GNAI3: variants seen among roughly 807,000 people sequenced by gnomAD.
GNAI3 encodes the protein G protein subunit alpha i3, also known as guanine nucleotide-binding protein G(i) subunit alpha-3.
Under a neutral mutation model 41.8 loss-of-function variants are expected in GNAI3, and 12 were observed. The observed-to-expected ratio is 0.29, with a 90% confidence interval of 0.18 to 0.47. The LOEUF is 0.47. Among genes scored for constraint, GNAI3 ranks in the 20% least tolerant of loss-of-function variants. The pLI is 1.00. For synonymous variants in GNAI3, 132 were observed against 146.5 expected (o/e 0.90, Z 0.71); for missense variants, 360 against 429.6 (o/e 0.84, Z 1.43).
intron 1 of GNAI3, among the ~76,000 whole-genome samples, chr1:109,566,482 C>T (rs771147067): frequency 6.6e-6 from 1 of 152,076 alleles, no homozygotes; most frequent in Non-Finnish European, 1.5e-5. Flanking sequence ...ATTCTTCTAG[C>T]CTTTTCTTTT....
At chr1:109,566,372 G>C (rs1424261086) in intron 1 of GNAI3, among the ~76,000 whole-genome samples, 1 of 152,040 alleles carries the variant, frequency 6.6e-6, no homozygotes, top group Non-Finnish European at 1.5e-5. Context: ...AAACTTATTT[G>C]TATTTGAAGT....
At chr1:109,586,410 G>A in intron 6 of GNAI3, 65 bp downstream of exon 6, 2 of 1,473,186 alleles carry the variant, frequency 1.4e-6, no homozygotes, top group South Asian at 1.2e-5. Context: ...TAACTTATTA[G>A]GAAGATTATC....
chr1:109,563,917 A>G (rs1648381763), intron 1 of GNAI3, among the ~76,000 whole-genome samples: 1 of 152,224 alleles, frequency 6.6e-6, no homozygotes, highest in African/African-American at 2.4e-5. Context: ...TTTTTGTTAC[A>G]CATATGCTAT....
At chr1:109,566,000 A>AT (rs1482291717) in intron 1 of GNAI3, among the ~76,000 whole-genome samples, 21 of 152,190 alleles carry the variant, frequency 1.4e-4, no homozygotes, top group South Asian at 8.3e-4. Context: ...TAGTCAAATA[A>AT]TTTTTTTACA....
chr1:109,587,502 A>G (rs915635376), intron 7 of GNAI3, among the ~76,000 whole-genome samples: 6 of 152,238 alleles, frequency 3.9e-5, no homozygotes, highest in African/African-American at 1.4e-4. Context: ...AATAGAAATC[A>G]TCAGGCAGAC....
intron 1 of GNAI3, among the ~76,000 whole-genome samples, chr1:109,550,109 A>T (rs567265328): frequency 6.6e-6 from 1 of 152,200 alleles, no homozygotes; most frequent in Non-Finnish European, 1.5e-5. Flanking sequence ...TTTGAGGAAA[A>T]GGAGTCACTT....
chr1:109,579,895 G>A (rs1201789041), intron 4 of GNAI3, among the ~76,000 whole-genome samples: 2 of 152,202 alleles, frequency 1.3e-5, no homozygotes, highest in Admixed American at 6.5e-5. Flanking sequence ...TATCTTGAGT[G>A]TTAATATAGT....
chr1:109,549,800 A>G (rs993324647), intron 1 of GNAI3, among the ~76,000 whole-genome samples: 3 of 152,202 alleles, frequency 2.0e-5, no homozygotes, highest in Non-Finnish European at 4.4e-5. Flanking sequence ...ATTACTGTTT[A>G]TGTTATTTGA....
intron 3 of GNAI3, among the ~76,000 whole-genome samples, chr1:109,577,350 C>T (rs1014295522): frequency 8.7e-5 from 13 of 148,574 alleles, no homozygotes; most frequent in South Asian, 8.5e-4. Context: ...CATCTCAGCT[C>T]ACTGCAACCT....
At chr1:109,564,794 G>T (rs1403961411) in intron 1 of GNAI3, among the ~76,000 whole-genome samples, 1 of 152,156 alleles carries the variant, frequency 6.6e-6, no homozygotes, top group Non-Finnish European at 1.5e-5. Context: ...GAGATTATGG[G>T]CAGGCAGATG....
intron 1 of GNAI3, among the ~76,000 whole-genome samples, chr1:109,554,166 A>G (rs1648082289): frequency 6.6e-6 from 1 of 151,940 alleles, no homozygotes; most frequent in Admixed American, 6.6e-5. Context: ...TATTTTTGCC[A>G]TTGTGAATTG....
chr1:109,560,557 A>G (rs1286994893), intron 1 of GNAI3, among the ~76,000 whole-genome samples: 1 of 152,140 alleles, frequency 6.6e-6, no homozygotes, highest in African/African-American at 2.4e-5. Context: ...AGATGGCAAG[A>G]CCTTGTCTCT....
chr1:109,567,446 C>T (rs1031508865), intron 1 of GNAI3, among the ~76,000 whole-genome samples: 4 of 151,960 alleles, frequency 2.6e-5, no homozygotes, highest in African/African-American at 7.3e-5. Context: ...AAAGGAGAGG[C>T]GATAGTAGAC....
chr1:109,555,951 A>AGTGGGTGCGTGCGTGC (rs1553222485), intron 1 of GNAI3, among the ~76,000 whole-genome samples: 1 of 117,314 alleles, frequency 8.5e-6, no homozygotes, highest in Non-Finnish European at 1.9e-5. Flanking sequence ...TGGGGAAAGG[A>AGTGGGTGCGTGCGTGC]GTGCGTGCGT....
intron 1 of GNAI3, among the ~76,000 whole-genome samples, chr1:109,557,720 T>C (rs949455514): frequency 3.9e-5 from 6 of 152,214 alleles, no homozygotes; most frequent in African/African-American, 1.4e-4. Flanking sequence ...GTAGTTCAAG[T>C]GCTTCATGTT....
chr1:109,575,998 T>C (rs1648731502), intron 3 of GNAI3, among the ~76,000 whole-genome samples: 1 of 152,202 alleles, frequency 6.6e-6, no homozygotes, highest in Non-Finnish European at 1.5e-5. Context: ...TTTTAAACAT[T>C]GCTTTTTATT....
At chr1:109,589,410 C>T (rs1428387241) in intron 7 of GNAI3, among the ~76,000 whole-genome samples, 1 of 152,000 alleles carries the variant, frequency 6.6e-6, no homozygotes, top group African/African-American at 2.4e-5. Flanking sequence ...CAGTGAGTTA[C>T]AGAATGGAAA....
intron 1 of GNAI3, among the ~76,000 whole-genome samples, chr1:109,552,077 G>A (rs367550524): frequency 2.0e-5 from 3 of 151,882 alleles, no homozygotes; most frequent in African/African-American, 4.8e-5. Context: ...CAGGAGAATC[G>A]CTTGAACCCG....
chr1:109,577,799 G>A lies in GNAI3; in HGVS notation c.304-1405G>A, dbSNP rs569268907. ...CCATGGATGGTTTTGTTTTGCTAAG[G>A]TGGATGCACAAGTTCTGGTAATTCA... On this transcript the variant is annotated intron_variant, in intron 3 of 8. Coordinates refer to ENST00000369851, the MANE Select transcript of GNAI3 (RefSeq NM_006496.4). 5.3e-5 allele frequency among the ~76,000 whole-genome samples: 8 copies of A among 152,264 alleles called. No homozygotes were observed. In the South Asian group the frequency reaches 1.7e-3, roughly 32 times the overall value.
Sources: gnomAD v4.1 joint callset for allele counts (sites outside exome capture counted in the v4.1 genomes callset) on GRCh38, gnomAD v4.1.1 for gene constraint, MANE v1.5 for transcripts, NCBI Gene and HGNC (gene_info 2026-07-23, HGNC 2026-07-21) for gene names.